TRPM4: variants seen among roughly 807,000 people sequenced by gnomAD.
TRPM4 encodes calcium-activated non-selective cation channel 1.
In TRPM4, 124 loss-of-function variants were observed where a neutral mutation model predicts 135.6. The observed-to-expected ratio is 0.91, with a 90% confidence interval of 0.79 to 1.06. The LOEUF is 1.06. Ranked by LOEUF, TRPM4 falls within the 50% of genes least tolerant of loss-of-function variation. The probability of loss-of-function intolerance (pLI) is 0.00; values close to 1 mark genes in which losing one functional copy is unlikely to be tolerated. For synonymous variants in TRPM4, 745 were observed against 705.6 expected (o/e 1.06, Z -0.88); for missense variants, 1,658 against 1,671.4 (o/e 0.99, Z 0.14).
At position 49,211,234 on chromosome 19, in the gene TRPM4, G is replaced by A; in HGVS notation, c.3605G>A (p.Gly1202Asp). The change falls in exon 24 of 25, where the codon GGT becomes GAT. Residue 1202 changes from glycine to aspartate, a missense_variant. Transcript: ENST00000252826. The surrounding 1 kb of genome is among the most constrained non-coding windows in gnomAD (Gnocchi z 4.8). ...AGCCGCTCTGCCTTGCTGCCCCCAG[G>A]TGGGCCGCCACCCCCTGACCTGCCT... ...ALSRSALLPP[G>D]GPPPPDLPGS... is the part of the protein sequence containing the mutation. 6.3e-7 allele frequency: 1 copy of A among 1,591,970 alleles called. No individual in the cohort carries two copies. Among genetic ancestry groups the A allele is most frequent in the Non-Finnish European group, 8.5e-7 (1 of 1,169,930 alleles).
chr19:49,200,948 T>C (rs748079462), intron 19 of TRPM4, among the ~76,000 whole-genome samples, 163 bp downstream of exon 19: 1 of 152,102 alleles, frequency 6.6e-6, no homozygotes, highest in Non-Finnish European at 1.5e-5. Context: ...ATCATCTCTC[T>C]GGGTCTCTGC....
At chr19:49,208,839 G>C (rs1969245735) in intron 20 of TRPM4, among the ~76,000 whole-genome samples, 1 of 151,694 alleles carries the variant, frequency 6.6e-6, no homozygotes. Context: ...GGTGCCTGTA[G>C]TCCCAGCTAC....
chr19:49,171,324 AG>A lies in TRPM4; in HGVS notation c.797-31del. The A allele has an allele frequency of 1.2e-6, 2 of 1,613,382 alleles. No individual in the cohort carries two copies. Among genetic ancestry groups the A allele is most frequent in the Non-Finnish European group, 1.7e-6 (2 of 1,179,328 alleles). ...CCTATCTCCAGCAAAGGCTGATGGG[AG>A]GTAATCAAGCCCCCTTCTCTTCTTG... On this transcript the variant is annotated intron_variant, in intron 6 of 24. Transcript: ENST00000252826. This position sits in a 1 kb window ranked among gnomAD's most constrained non-coding sequence, Gnocchi z 4.7.
At position 49,168,551 on chromosome 19, in the gene TRPM4, A is replaced by T. The variant is rs1166676949; in HGVS notation, c.613-2A>T. 1 of 1,613,632 alleles carries T rather than the reference A, an allele frequency of 6.2e-7. No homozygotes were observed. The stretch of plus-strand genomic sequence containing the variant: ...GCCCTGGTCTGGCCATTTTTCCCCT[A>T]GGGCTCGTTCCCTGCGAGGTACCGG... On this transcript the variant is annotated splice_acceptor_variant, in intron 5 of 24. Transcript: ENST00000252826. LOFTEE classifies it high-confidence loss of function.
intron 15 of TRPM4, 143 bp from the exon 16 acceptor site, chr19:49,190,553 A>T: frequency 1.1e-6 from 1 of 891,126 alleles, no homozygotes. Context: ...GCTCTGGGGG[A>T]AGGTCCCTTT....
At chr19:49,200,060 T>G (rs545536723) in intron 17 of TRPM4, among the ~76,000 whole-genome samples, 1 of 152,206 alleles carries the variant, frequency 6.6e-6, no homozygotes, top group South Asian at 2.1e-4. Context: ...AGCTCTTTGC[T>G]AAGGCCATCG....
intron 14 of TRPM4, among the ~76,000 whole-genome samples, chr19:49,189,297 G>T (rs150772846): frequency 1.3e-5 from 2 of 152,252 alleles, no homozygotes; most frequent in East Asian, 3.9e-4. Context: ...ACCTTCCCAC[G>T]GCAAAGCCCA....
intron 16 of TRPM4, among the ~76,000 whole-genome samples, chr19:49,193,155 A>G (rs1188943921): frequency 7.0e-6 from 1 of 143,608 alleles, no homozygotes; most frequent in African/African-American, 2.6e-5. Flanking sequence ...ATCTCGGCTC[A>G]CTGCAAGCTC....
At chr19:49,202,277 A>C in intron 20 of TRPM4, 136 bp downstream of exon 20, 2 of 985,308 alleles carry the variant, frequency 2.0e-6, no homozygotes, top group Non-Finnish European at 1.6e-6. Flanking sequence ...TTCTCCCCAA[A>C]CCCAACCAGA....
rs780266295 is a variant in TRPM4, at chr19:49,210,881, T to G, written c.3461+39T>G. On this transcript the variant is annotated intron_variant, in intron 22 of 24. Coordinates refer to ENST00000252826, the MANE Select transcript of TRPM4 (RefSeq NM_017636.4). This position sits in a 1 kb window ranked among gnomAD's most constrained non-coding sequence, Gnocchi z 4.1. ...CTGGTCGGGGATGGGGCTTCTGGCCTGGGGCGGATCCTGACTTCAGCTGAA... is the reference window on the plus strand; with the variant it reads ...CTGGTCGGGGATGGGGCTTCTGGCCGGGGGCGGATCCTGACTTCAGCTGAA... 7 of 1,412,296 alleles carry G rather than the reference T, an allele frequency of 5.0e-6. No individual in the cohort carries two copies. In the South Asian group the frequency reaches 7.0e-5, roughly 14 times the overall value. 87.5% of individuals were successfully genotyped at this position (1,412,296 alleles called of 1,614,324 possible). A position where few individuals can be genotyped will look rare whatever the true frequency, so the allele number is the denominator to read the frequency against.
At position 49,210,422 on chromosome 19, in the gene TRPM4, G is replaced by A. The variant is rs368486752; in HGVS notation, c.3328+17G>A. 6.2e-7 allele frequency: 1 copy of A among 1,611,478 alleles called. No individual in the cohort carries two copies. Among genetic ancestry groups the A allele is most frequent in the Non-Finnish European group, 8.5e-7 (1 of 1,179,800 alleles). ...AGCATTTCCGTAAGAACAGAGCTTG[G>A]CTTAAAAAGGAGAAATATAGGGGAC... On this transcript the variant is annotated intron_variant, in intron 21 of 24. Coordinates refer to ENST00000252826, the MANE Select transcript of TRPM4 (RefSeq NM_017636.4). The surrounding 1 kb of genome is among the most constrained non-coding windows in gnomAD (Gnocchi z 4.1).
chr19:49,191,541 G>A (rs918756352), intron 16 of TRPM4, among the ~76,000 whole-genome samples: 2 of 149,484 alleles, frequency 1.3e-5, no homozygotes. Flanking sequence ...TTTGAAATGG[G>A]GTCTCGCTCT....
Position 49,210,764 on chromosome 19 carries a change from A to G in TRPM4, c.3383A>G (p.His1128Arg), listed in dbSNP as rs372317201. The change falls in exon 22 of 25, where the codon CAT becomes CGT. Residue 1128 changes from histidine to arginine, a missense_variant. By Grantham distance (29) the His-to-Arg change is conservative (BLOSUM62 0). Coordinates refer to ENST00000252826, the MANE Select transcript of TRPM4 (RefSeq NM_017636.4). This position sits in a 1 kb window ranked among gnomAD's most constrained non-coding sequence, Gnocchi z 4.1. Reference sequence around the variant, plus strand: ...AAGCTGCTAACGTGGGAATCGGTGCATAAGGAGAACTTTCTGCTGGCACGC... The same window carrying G: ...AAGCTGCTAACGTGGGAATCGGTGCGTAAGGAGAACTTTCTGCTGGCACGC... Reference protein sequence around the residue: ...ERKLLTWESVHKENFLLARAR... With the variant: ...ERKLLTWESVRKENFLLARAR... 3 of 1,614,018 alleles carry G rather than the reference A, an allele frequency of 1.9e-6. No individual in the cohort carries two copies. In the East Asian group the frequency reaches 6.7e-5, roughly 36 times the overall value.
Position 49,196,607 on chromosome 19 carries a change from T to G in TRPM4, c.2378T>G (p.Phe793Cys), listed in dbSNP as rs2123042535. The G allele has an allele frequency of 6.4e-7, 1 of 1,555,992 alleles. No homozygotes were observed. Among genetic ancestry groups the G allele is most frequent in the South Asian group, 1.2e-5 (1 of 84,896 alleles). ...FMGNVVSYLLFLLLFSRVLLV... is the reference protein window; with the variant it reads ...FMGNVVSYLLCLLLFSRVLLV... ...GGCAACGTGGTCAGCTACCTGCTGTTCCTGCTGCTTTTCTCGCGGGTGCTG... is the reference window on the plus strand; with the variant it reads ...GGCAACGTGGTCAGCTACCTGCTGTGCCTGCTGCTTTTCTCGCGGGTGCTG... Residue 793 changes from phenylalanine (F) to cysteine (C), a missense_variant, in exon 17 of 25, where the codon TTC becomes TGC. By Grantham distance (205) the Phe-to-Cys change is radical. Transcript: ENST00000252826.
At position 49,168,298 on chromosome 19, in the gene TRPM4, G is replaced by A. The variant is rs770211728; in HGVS notation, c.487G>A (p.Gly163Ser). The change falls in exon 5 of 25, where the codon GGC (glycine) becomes AGC (serine). Residue 163 changes from glycine to serine, a missense_variant. Gly to Ser is a moderately conservative substitution (Grantham distance 56). This residue lies in a region of TRPM4 where 239 missense variants were observed against 240.1 expected (regional missense o/e 1.00). Coordinates refer to ENST00000252826, the MANE Select transcript of TRPM4 (RefSeq NM_017636.4). Reference sequence around the variant, plus strand: ...CACTGGGGGTCTGCACACGGGCATCGGCCGGCATGTTGGTGTGGCTGTACG... The same window carrying A: ...CACTGGGGGTCTGCACACGGGCATCAGCCGGCATGTTGGTGTGGCTGTACG... ...IVTGGLHTGIGRHVGVAVRDH... is the reference protein window; with the variant it reads ...IVTGGLHTGISRHVGVAVRDH... The A allele has an allele frequency of 3.0e-5, 49 of 1,614,036 alleles. No homozygotes were observed. Among genetic ancestry groups the A allele is most frequent in the South Asian group, 2.2e-4 (20 of 91,088 alleles).
Position 49,211,655 on chromosome 19 carries a change from T to A in TRPM4, c.*157T>A, listed in dbSNP as rs1568500223. The stretch of plus-strand genomic sequence containing the variant: ...GTCAGGACCACCTTTGGGAGTGTCA[T>A]CCTTACAAACCACAGCATGCCCGGC... On this transcript the variant is annotated 3_prime_UTR_variant, in exon 25 of 25. Transcript: ENST00000252826. This position sits in a 1 kb window ranked among gnomAD's most constrained non-coding sequence, Gnocchi z 4.8. 2 of 959,152 alleles carry A rather than the reference T, an allele frequency of 2.1e-6. No homozygotes were observed. The highest frequency in any genetic ancestry group is 3.3e-6 in the Non-Finnish European group (2 of 600,050). 59.4% of individuals were successfully genotyped at this position (959,152 alleles called of 1,614,324 possible). A position where few individuals can be genotyped will look rare whatever the true frequency, so the allele number is the denominator to read the frequency against.
intron 1 of TRPM4, 82 bp from the exon 2 acceptor site, chr19:49,158,110 G>C (rs2041550654): frequency 1.2e-5 from 17 of 1,422,436 alleles, no homozygotes; most frequent in Non-Finnish European, 1.5e-5. Context: ...GAGCGCACGG[G>C]GTGGGTGGCT....
chr19:49,199,767 G>C (rs917165637), intron 17 of TRPM4, among the ~76,000 whole-genome samples: 1 of 149,910 alleles, frequency 6.7e-6, no homozygotes, highest in Non-Finnish European at 1.5e-5. Context: ...CCAAAGTGCT[G>C]GGATTACAGG....
intron 17 of TRPM4, among the ~76,000 whole-genome samples, chr19:49,197,364 C>CTTTCTTTCTCTCTT (rs1305134354): frequency 6.2e-4 from 45 of 72,696 alleles, no homozygotes; most frequent in African/African-American, 2.4e-3. Context: ...TTCTTTCTTT[C>CTTTCTTTCTCTCTT]TCTCTCTTTC....
Sources: allele counts gnomAD v4.1 joint callset (sites outside exome capture counted in the v4.1 genomes callset), GRCh38; gene constraint gnomAD v4.1.1; regional missense constraint gnomAD v4.1.1; non-coding constraint Gnocchi (gnomAD v3.1); transcripts MANE v1.5; gene names NCBI Gene and HGNC (gene_info 2026-07-23, HGNC 2026-07-21).